The following FBN1 variants were observed in gnomAD, a reference collection of about 807,000 sequenced individuals.
The protein encoded by FBN1 is fibrillin 1, also known as fibrillin-1.
Under a neutral mutation model 365.1 loss-of-function variants are expected in FBN1, and 29 were observed. The ratio of observed to expected loss-of-function variants is 0.08; its 90% CI spans 0.06 to 0.11. FBN1 has a LOEUF of 0.11. Among genes scored for constraint, FBN1 ranks in the 10% least tolerant of loss-of-function variants. FBN1 has a pLI of 1.00. For missense variants in FBN1, 2,476 were observed against 3,703.2 expected (o/e 0.67, Z 8.60); for synonymous variants, 1,210 against 1,270.5 (o/e 0.95, Z 1.01).
chr15:48,550,748 A>G (rs1346834899), intron 6 of FBN1, among the ~76,000 whole-genome samples: 5 of 150,706 alleles, frequency 3.3e-5, no homozygotes. Context: ...TCCTCTCCCT[A>G]TTTTTCCACC....
At position 48,554,522 on chromosome 15, in the gene FBN1, AT is replaced by A. The variant is rs2044165314; in HGVS notation, c.539-16715del. On this transcript the variant is annotated intron_variant, in intron 6 of 65. Coordinates refer to ENST00000316623, the MANE Select transcript of FBN1 (RefSeq NM_000138.5). ...AGCAATGTTGGTGTCAGCTAAAAAA[AT>A]ATATGTAATAAAATCTATGATAGAG... Among the ~76,000 whole-genome samples the A allele has an allele frequency of 2.0e-5, 3 of 152,350 alleles. No homozygotes were observed. The East Asian group carries it at 5.8e-4, about 29-fold the overall frequency.
At chr15:48,461,358 T>A (rs924119634) in intron 42 of FBN1, among the ~76,000 whole-genome samples, 1 of 152,172 alleles carries the variant, frequency 6.6e-6, no homozygotes, top group Non-Finnish European at 1.5e-5. Flanking sequence ...AATGTTAGTC[T>A]ACATTAAGGG....
In FBN1 at chr15:48,436,974, C is replaced by T; in HGVS notation, c.6483G>A (p.Gly2161=). Residue 2161 remains glycine, a synonymous_variant, in exon 53 of 66, where the codon GGG becomes GGA. Transcript: ENST00000316623. ...CTTATTACTCACCTACACATTCATT[C>T]CCTGCTAGAATATAACCAAAGGGAC... ...CECPFGYILA[G]NECVDTDECS... is the part of the protein sequence containing the mutation. 1.9e-6 allele frequency: 3 copies of T among 1,600,090 alleles called. No homozygotes were observed. The highest frequency in any genetic ancestry group is 2.6e-6 in the Non-Finnish European group (3 of 1,167,448).
chr15:48,457,710 A>G (rs1437764609), intron 43 of FBN1, among the ~76,000 whole-genome samples: 1 of 152,138 alleles, frequency 6.6e-6, no homozygotes, highest in Non-Finnish European at 1.5e-5. Flanking sequence ...CATTTGCTGC[A>G]TGACTGGTAC....
intron 49 of FBN1, among the ~76,000 whole-genome samples, chr15:48,443,018 A>C (rs760532006): frequency 1.3e-5 from 2 of 152,236 alleles, no homozygotes; most frequent in African/African-American, 2.4e-5. Context: ...AAGTTGAGAA[A>C]TTAACCTTAT....
chr15:48,445,691 C>G (rs1597532880), intron 47 of FBN1, among the ~76,000 whole-genome samples, 187 bp from the exon 48 acceptor site: 1 of 152,126 alleles, frequency 6.6e-6, no homozygotes, highest in Non-Finnish European at 1.5e-5. Context: ...CACCTATACA[C>G]ATTTAACAAT....
chr15:48,574,999 CAGTT>C (rs1378269616), intron 6 of FBN1, among the ~76,000 whole-genome samples: 1 of 152,196 alleles, frequency 6.6e-6, no homozygotes, highest in Non-Finnish European at 1.5e-5. Context: ...TTTTACTCAA[CAGTT>C]AGGCATTCCT....
At chr15:48,462,958 C>T in intron 42 of FBN1, 124 bp downstream of exon 42, 1 of 929,564 alleles carries the variant, frequency 1.1e-6, no homozygotes. Context: ...AAATCATGAG[C>T]CGTTTTTTTC....
At chr15:48,429,877 A>G (rs982920000) in intron 56 of FBN1, among the ~76,000 whole-genome samples, 4 of 152,242 alleles carry the variant, frequency 2.6e-5, no homozygotes, top group Non-Finnish European at 5.9e-5. Flanking sequence ...AAAGAAAGAG[A>G]ATGCGTGTGA....
intron 8 of FBN1, among the ~76,000 whole-genome samples, chr15:48,530,645 G>A (rs2043962745): frequency 6.6e-6 from 1 of 152,052 alleles, no homozygotes; most frequent in Non-Finnish European, 1.5e-5. Context: ...GCTGAAAGAG[G>A]ATGGAGCCCC....
At position 48,513,545 on chromosome 15, in the gene FBN1, A is replaced by G; in HGVS notation, c.1588+4T>C. The G allele has an allele frequency of 6.2e-7, 1 of 1,614,000 alleles. No homozygotes were observed. Among genetic ancestry groups the G allele is most frequent in the Non-Finnish European group, 8.5e-7 (1 of 1,179,898 alleles). On this transcript the variant is annotated splice_donor_region_variant and intron_variant, in intron 13 of 65. Transcript: ENST00000316623. Reference sequence around the variant, plus strand: ...ACATTCCACGTCAGGAGCCAGGACCATACCTCGGCATTCTGTCCGCGTGAG... The same window carrying G: ...ACATTCCACGTCAGGAGCCAGGACCGTACCTCGGCATTCTGTCCGCGTGAG...
At chr15:48,550,363 C>T (rs894052556) in intron 6 of FBN1, among the ~76,000 whole-genome samples, 3 of 152,150 alleles carry the variant, frequency 2.0e-5, no homozygotes, top group African/African-American at 7.2e-5. Flanking sequence ...AAGGGCATCA[C>T]CACAGCCCAC....
At chr15:48,516,140 G>A in intron 11 of FBN1, 43 bp downstream of exon 11, 13 of 1,542,044 alleles carry the variant, frequency 8.4e-6, no homozygotes, top group East Asian at 2.2e-5. Flanking sequence ...ATGTTAACTT[G>A]AACAATGCAA....
chr15:48,452,551 G>A lies in FBN1; in HGVS notation c.5545+11C>T, dbSNP rs767548627. 2 of 1,613,838 alleles carry A rather than the reference G, an allele frequency of 1.2e-6. No individual in the cohort carries two copies. Among genetic ancestry groups the A allele is most frequent in the Non-Finnish European group, 1.7e-6 (2 of 1,179,966 alleles). On this transcript the variant is annotated intron_variant, in intron 45 of 65. Coordinates refer to ENST00000316623, the MANE Select transcript of FBN1 (RefSeq NM_000138.5). ...TGGGTAGGCATGTCCAGCCTGTGGG[G>A]CACTACATACCATTGCACTGTCCTG...
intron 17 of FBN1, among the ~76,000 whole-genome samples, chr15:48,499,354 T>C (rs1190579314): frequency 2.6e-5 from 4 of 152,234 alleles, no homozygotes; most frequent in African/African-American, 9.6e-5. Flanking sequence ...CGGTGAAATG[T>C]GCCTGTTAAA....
chr15:48,531,157 A>C (rs1193716751), intron 8 of FBN1, among the ~76,000 whole-genome samples: 2 of 152,182 alleles, frequency 1.3e-5, no homozygotes, highest in African/African-American at 2.4e-5. Context: ...TCCTTCTTAA[A>C]TGTATGAAAA....
In FBN1 at chr15:48,410,033, C is replaced by T. The variant is rs1477480677; in HGVS notation, c.*957G>A. 6.6e-6 allele frequency: 1 copy of T among 152,596 alleles called. No homozygotes were observed. The highest frequency in any genetic ancestry group is 1.5e-5 in the Non-Finnish European group (1 of 68,042). The allele number at this position is 152,596 out of a possible 1,614,324, so 9.5% of individuals were successfully genotyped here. On this transcript the variant is annotated 3_prime_UTR_variant, in exon 66 of 66. Transcript: ENST00000316623. ...CTTTATTTAGCCTCCGGAATGGCCC[C>T]TCCAACCCCAAATCCATGCAAGAAC... is the stretch of plus-strand genomic sequence containing the variant.
At chr15:48,423,130 A>T (rs76402472) in intron 60 of FBN1, among the ~76,000 whole-genome samples, 1 of 152,214 alleles carries the variant, frequency 6.6e-6, no homozygotes, top group Non-Finnish European at 1.5e-5. Context: ...AAGAGATGAA[A>T]TGTTGTGTTC....
At chr15:48,562,243 C>T (rs150956838) in intron 6 of FBN1, among the ~76,000 whole-genome samples, 1 of 152,268 alleles carries the variant, frequency 6.6e-6, no homozygotes, top group African/African-American at 2.4e-5. Flanking sequence ...CAGGTCCGTG[C>T]TGTGATGCTG....
Sources: gnomAD v4.1 joint callset for allele counts (sites outside exome capture counted in the v4.1 genomes callset) on GRCh38, gnomAD v4.1.1 for gene constraint, MANE v1.5 for transcripts, NCBI Gene and HGNC (gene_info 2026-07-23, HGNC 2026-07-21) for gene names.